ERBB4: variants seen among roughly 807,000 people sequenced by gnomAD.
The protein encoded by ERBB4 is receptor tyrosine-protein kinase erbB-4.
In ERBB4, 42 loss-of-function variants were observed where a neutral mutation model predicts 158.0. The ratio of observed to expected loss-of-function variants is 0.27; its 90% CI spans 0.21 to 0.34. The LOEUF (loss-of-function observed/expected upper bound fraction) is 0.34. ERBB4 is among the 10% of genes least tolerant of loss of function. ERBB4 has a pLI of 1.00. For synonymous variants in ERBB4, 583 were observed against 558.7 expected, an observed-to-expected ratio of 1.04 and a Z score of -0.61; for missense variants, 1,333 against 1,624.1, an observed-to-expected ratio of 0.82 and a Z score of 3.08.
At chr2:212,323,713 CA>C (rs1401359519) in intron 1 of ERBB4, among the ~76,000 whole-genome samples, 1 of 150,568 alleles carries the variant, frequency 6.6e-6, no homozygotes, top group Non-Finnish European at 1.5e-5. Flanking sequence ...TGATTATTGT[CA>C]GTTATACTTT....
chr2:212,365,524 T>C (rs1002626138), intron 1 of ERBB4, among the ~76,000 whole-genome samples: 2 of 151,848 alleles, frequency 1.3e-5, no homozygotes, highest in Admixed American at 6.6e-5. Context: ...TCAAACTAAA[T>C]TGACTGTAAG....
chr2:212,479,210 C>T (rs1030442240), intron 1 of ERBB4, among the ~76,000 whole-genome samples: 3 of 151,990 alleles, frequency 2.0e-5, no homozygotes, highest in African/African-American at 7.2e-5. Context: ...CTACTTAAGC[C>T]CCATCTTCCT....
intron 20 of ERBB4, among the ~76,000 whole-genome samples, chr2:211,452,621 C>A (rs1234582088): frequency 2.0e-5 from 3 of 152,008 alleles, no homozygotes; most frequent in African/African-American, 4.8e-5. Context: ...GCTCTGTTAC[C>A]AACTATCTCA....
At chr2:212,466,996 T>C (rs1688870766) in intron 1 of ERBB4, among the ~76,000 whole-genome samples, 1 of 152,090 alleles carries the variant, frequency 6.6e-6, no homozygotes, top group Non-Finnish European at 1.5e-5. Context: ...GCAAAGAGAC[T>C]GGCAGGATTT....
chr2:212,434,956 TC>T (rs1051571805), intron 1 of ERBB4, among the ~76,000 whole-genome samples: 5 of 152,134 alleles, frequency 3.3e-5, no homozygotes, highest in Admixed American at 2.6e-4. Context: ...TGATTTAAAG[TC>T]CAGATTTCTT....
intron 3 of ERBB4, among the ~76,000 whole-genome samples, chr2:211,819,865 T>C (rs2076956667): frequency 6.6e-6 from 1 of 151,816 alleles, no homozygotes; most frequent in African/African-American, 2.4e-5. Flanking sequence ...GGAAATAGAT[T>C]TTGTTTAAGT....
chr2:211,977,449 T>C (rs2125220264), intron 2 of ERBB4, among the ~76,000 whole-genome samples: 1 of 148,472 alleles, frequency 6.7e-6, no homozygotes, highest in African/African-American at 2.5e-5. Flanking sequence ...CTTTCCCAAT[T>C]CTTTGCCGTA....
intron 2 of ERBB4, among the ~76,000 whole-genome samples, chr2:211,978,396 GTCTA>G (rs151243480): frequency 0.013 from 1,843 of 136,564 alleles, 29 homozygotes; most frequent in African/African-American, 0.042. Context: ...CTGTCTGTCT[GTCTA>G]TCTATCTATC....
chr2:212,448,620 T>C (rs370610220), intron 1 of ERBB4, among the ~76,000 whole-genome samples: 23 of 152,126 alleles, frequency 1.5e-4, no homozygotes, highest in Non-Finnish European at 8.8e-5. Flanking sequence ...CAGCAGCTTC[T>C]GTTGGTACAT....
At chr2:212,384,659 T>C (rs367708150) in intron 1 of ERBB4, among the ~76,000 whole-genome samples, 34 of 151,702 alleles carry the variant, frequency 2.2e-4, no homozygotes, top group Middle Eastern at 6.8e-3. Flanking sequence ...AAATTAACCA[T>C]GTTTAGCACA....
intron 2 of ERBB4, among the ~76,000 whole-genome samples, chr2:212,101,116 A>G (rs917279734): frequency 1.3e-5 from 2 of 151,990 alleles, no homozygotes; most frequent in African/African-American, 4.8e-5. Flanking sequence ...TTTTATCCAC[A>G]TATGAAACTT....
intron 2 of ERBB4, among the ~76,000 whole-genome samples, chr2:211,969,867 TG>T (rs1473504493): frequency 6.6e-6 from 1 of 152,042 alleles, no homozygotes; most frequent in Non-Finnish European, 1.5e-5. Context: ...ATTTTATGAA[TG>T]TTTTTCATGT....
At chr2:211,948,105 T>A (rs1183146448) in intron 2 of ERBB4, among the ~76,000 whole-genome samples, 2 of 152,044 alleles carry the variant, frequency 1.3e-5, no homozygotes, top group South Asian at 2.1e-4. Flanking sequence ...GCCCTGTACA[T>A]CTCTAGGGAA....
At chr2:211,564,934 A>T (rs2067504510) in intron 19 of ERBB4, among the ~76,000 whole-genome samples, 1 of 152,204 alleles carries the variant, frequency 6.6e-6, no homozygotes, top group Admixed American at 6.5e-5. Flanking sequence ...TTGAAGGTCA[A>T]ATTAGTGATA....
chr2:212,312,948 AGTT>A (rs2087113953), intron 1 of ERBB4, among the ~76,000 whole-genome samples: 1 of 150,906 alleles, frequency 6.6e-6, no homozygotes, highest in South Asian at 2.1e-4. Context: ...AAGCCCTTAT[AGTT>A]TTAAATTCAT....
chr2:212,324,140 G>A lies in ERBB4; in HGVS notation c.83-199237C>T, dbSNP rs559800682. ...GCAGCATGCTATCACAGTTGCTTTC[G>A]GCAGCCGTCTTATGACCACACGAAT... On this transcript the variant is annotated intron_variant, in intron 1 of 27. Transcript: ENST00000342788. Among the ~76,000 whole-genome samples, 9 of 150,722 alleles carry A rather than the reference G, an allele frequency of 6.0e-5. 1 individual carries two copies. In the South Asian group the frequency reaches 1.1e-3, roughly 18 times the overall value.
chr2:212,112,417 T>A (rs1317322543), intron 2 of ERBB4, among the ~76,000 whole-genome samples: 1 of 152,128 alleles, frequency 6.6e-6, no homozygotes, highest in African/African-American at 2.4e-5. Flanking sequence ...AGGCCTACCT[T>A]TTTCAATCTA....
chr2:212,103,418 T>G (rs1351436525), intron 2 of ERBB4, among the ~76,000 whole-genome samples: 1 of 152,110 alleles, frequency 6.6e-6, no homozygotes, highest in Non-Finnish European at 1.5e-5. Context: ...TATATGTGAT[T>G]TTAATGCAAT....
chr2:212,046,558 T>C (rs2077266351), intron 2 of ERBB4, among the ~76,000 whole-genome samples: 2 of 152,228 alleles, frequency 1.3e-5, no homozygotes. Flanking sequence ...AGTATTGATG[T>C]ATTTATCATT....
Sources: gnomAD v4.1 joint callset for allele counts (sites outside exome capture counted in the v4.1 genomes callset) on GRCh38, gnomAD v4.1.1 for gene constraint, MANE v1.5 for transcripts, NCBI Gene and HGNC (gene_info 2026-07-23, HGNC 2026-07-21) for gene names.